Variants in RYR2 observed in about 807,000 individuals in gnomAD.
RYR2 encodes cardiac muscle ryanodine receptor-calcium release channel.
RYR2 carries 227 observed loss-of-function variants against 601.1 expected under a neutral mutation model. The observed-to-expected ratio is 0.38, with a 90% CI of 0.34 to 0.42. RYR2 has a LOEUF of 0.42. Ranked by LOEUF, RYR2 falls within the 10% of genes least tolerant of loss-of-function variation. The pLI is 1.00. For synonymous variants in RYR2, 2,223 were observed against 2,175.1 expected, an observed-to-expected ratio of 1.02 and a Z score of -0.61; for missense variants, 4,646 against 6,156.5, an observed-to-expected ratio of 0.75 and a Z score of 8.21.
intron 1 of RYR2, among the ~76,000 whole-genome samples, chr1:237,062,341 C>T (rs889958905): frequency 2.3e-4 from 35 of 152,082 alleles, no homozygotes; most frequent in African/African-American, 1.7e-4. Flanking sequence ...AACATCTTTT[C>T]GATATTAAGA....
chr1:237,579,586 C>A lies in RYR2; in HGVS notation c.3599-10207C>A, dbSNP rs184258313. 2.6e-3 allele frequency among the ~76,000 whole-genome samples: 389 copies of A among 152,114 alleles called. 1 individual carries two copies. The highest frequency in any genetic ancestry group is 9.1e-3 in the African/African-American group (377 of 41,500). On this transcript the variant is annotated intron_variant, in intron 29 of 104. Transcript: ENST00000366574. ...TACTTCTTAAAGCACACTCATAGGG[C>A]AAATTTCCATGGGTCAAAAAACTAT...
chr1:237,357,045 C>T (rs1208505178), intron 4 of RYR2, among the ~76,000 whole-genome samples: 4 of 140,198 alleles, frequency 2.9e-5, no homozygotes, highest in African/African-American at 8.7e-5. Context: ...TTCATGTTCT[C>T]TTGTCTTTTT....
At chr1:237,274,101 A>G (rs979382834) in intron 2 of RYR2, among the ~76,000 whole-genome samples, 18 of 147,452 alleles carry the variant, frequency 1.2e-4, no homozygotes, top group Non-Finnish European at 1.5e-5. Context: ...GATATATGAT[A>G]ATGTAGATAT....
rs762166767 is a variant in RYR2 at position 237,628,108 on chromosome 1, T to G, written c.6440+28T>G. Reference sequence around the variant, plus strand: ...AAATTATTTAACTACTACAACCCTTTGTCTCGTAAATGTTTTCTAATTGTT... The same window carrying G: ...AAATTATTTAACTACTACAACCCTTGGTCTCGTAAATGTTTTCTAATTGTT... On this transcript the variant is annotated intron_variant, in intron 41 of 104. Transcript: ENST00000366574. 45 of 1,605,540 alleles carry G rather than the reference T, an allele frequency of 2.8e-5. No homozygotes were observed. The East Asian group carries it at 1.0e-3, about 36-fold the overall frequency.
intron 80 of RYR2, among the ~76,000 whole-genome samples, chr1:237,744,229 C>T (rs1000809405): frequency 2.0e-5 from 3 of 151,696 alleles, no homozygotes; most frequent in African/African-American, 7.3e-5. Flanking sequence ...AAATTACTTA[C>T]ATTAATATGA....
In RYR2 at chr1:237,815,575, T is replaced by C. The variant is rs556853602; in HGVS notation, c.14434-3461T>C. 1.3e-4 allele frequency among the ~76,000 whole-genome samples: 20 copies of C among 152,310 alleles called. No individual in the cohort carries two copies. The South Asian group carries it at 2.3e-3, about 17-fold the overall frequency. The stretch of plus-strand genomic sequence containing the variant: ...GCATGACTGTTAAGTCCACTACCGA[T>C]CTCTGCTGGAATCCCTTCATCACAA... On this transcript the variant is annotated intron_variant, in intron 100 of 104. Transcript: ENST00000366574.
chr1:237,751,054 A>T (rs1362395833), intron 80 of RYR2, among the ~76,000 whole-genome samples: 1 of 152,198 alleles, frequency 6.6e-6, no homozygotes, highest in Non-Finnish European at 1.5e-5. Flanking sequence ...AGCTGCTGTG[A>T]TCCAATCTAT....
At chr1:237,066,467 T>C (rs1663629797) in intron 1 of RYR2, among the ~76,000 whole-genome samples, 1 of 152,188 alleles carries the variant, frequency 6.6e-6, no homozygotes, top group Admixed American at 6.5e-5. Context: ...TCAGCAATGT[T>C]TGGGAGATCC....
chr1:237,695,076 A>G (rs1414946770), intron 63 of RYR2, among the ~76,000 whole-genome samples: 2 of 152,208 alleles, frequency 1.3e-5, no homozygotes, highest in Non-Finnish European at 2.9e-5. Context: ...ATAAAACAGA[A>G]CTGGCATATG....
At chr1:237,304,372 T>C (rs1693668523) in intron 2 of RYR2, among the ~76,000 whole-genome samples, 1 of 152,186 alleles carries the variant, frequency 6.6e-6, no homozygotes, top group Non-Finnish European at 1.5e-5. Flanking sequence ...CCATTATAAC[T>C]GAACATCATA....
chr1:237,626,574 C>CTTTTTTTTTTTTTTTTTTTTTTTTTTTTT (rs1679680836), intron 40 of RYR2, among the ~76,000 whole-genome samples: 2 of 60,094 alleles, frequency 3.3e-5, no homozygotes, highest in African/African-American at 5.7e-5. Context: ...TTTTCTTTTT[C>CTTTTTTTTTTTTTTTTTTTTTTTTTTTTT]TTTTTCTTTT....
chr1:237,808,777 T>C, intron 99 of RYR2, 124 bp from the exon 100 acceptor site: 1 of 763,506 alleles, frequency 1.3e-6, no homozygotes, highest in East Asian at 2.6e-5. Flanking sequence ...AAGTTATGGA[T>C]CCCATTAGCT....
rs372943408 is a variant in RYR2, at chr1:237,784,321, G to T, written c.12609G>T (p.Ala4203=). The T allele has an allele frequency of 1.0e-4, 169 of 1,613,896 alleles. 1 individual carries two copies. The African/African-American group carries it at 1.7e-3, about 16-fold the overall frequency. Residue 4203 remains alanine (A), a synonymous_variant, in exon 90 of 105, where the codon GCG becomes GCT. Transcript: ENST00000366574. This position sits in a 1 kb window ranked among gnomAD's most constrained non-coding sequence, Gnocchi z 7.1. ...CEDTIFEMQL[A]AQISESDLNE... is the part of the protein sequence containing the mutation. ...ACACCATCTTTGAAATGCAGCTGGC[G>T]GCTCAGATCTCGGAGTCGGACTTGA...
intron 20 of RYR2, among the ~76,000 whole-genome samples, chr1:237,498,119 G>T (rs899195588): frequency 6.6e-6 from 1 of 152,000 alleles, no homozygotes; most frequent in African/African-American, 2.4e-5. Flanking sequence ...GCCTGCCTCC[G>T]CTTCCCAAAG....
chr1:237,631,659 C>T lies in RYR2; in HGVS notation c.6555+118C>T, dbSNP rs377294543. ...TTTTTTTTTTTTGGAGACAGAGGCT[C>T]ACTCTGTCGCCCAGGCTGGAGTGCA... is the stretch of plus-strand genomic sequence containing the variant. On this transcript the variant is annotated intron_variant, in intron 42 of 104. Transcript: ENST00000366574. 1.8e-3 allele frequency: 836 copies of T among 468,148 alleles called. 17 individuals are homozygous for T. The African/African-American group carries it at 0.031, about 17-fold the overall frequency. The allele number at this position is 468,148 out of a possible 1,614,324, so 29.0% of individuals were successfully genotyped here. A position where few individuals can be genotyped will look rare whatever the true frequency, so the allele number is the denominator to read the frequency against.
At chr1:237,255,983 C>T (rs895799083) in intron 1 of RYR2, among the ~76,000 whole-genome samples, 3 of 151,874 alleles carry the variant, frequency 2.0e-5, no homozygotes, top group Non-Finnish European at 2.9e-5. Flanking sequence ...GGAGTTTATT[C>T]CCTGACAGTC....
intron 1 of RYR2, among the ~76,000 whole-genome samples, chr1:237,161,294 G>T (rs928177876): frequency 1.1e-4 from 16 of 151,918 alleles, no homozygotes; most frequent in African/African-American, 2.9e-4. Context: ...TAACTTTCTA[G>T]ATTTTTGTAC....
At chr1:237,186,423 G>T (rs1679342703) in intron 1 of RYR2, among the ~76,000 whole-genome samples, 1 of 152,200 alleles carries the variant, frequency 6.6e-6, no homozygotes, top group Admixed American at 6.5e-5. Flanking sequence ...TCAGTCTAAT[G>T]CAGGGACATC....
chr1:237,650,660 G>T (rs188629597), intron 50 of RYR2, among the ~76,000 whole-genome samples: 1 of 152,156 alleles, frequency 6.6e-6, no homozygotes, highest in East Asian at 1.9e-4. Flanking sequence ...GCCTGTGAAA[G>T]TGATAATTTC....
Sources: allele counts gnomAD v4.1 joint callset (sites outside exome capture counted in the v4.1 genomes callset), GRCh38; gene constraint gnomAD v4.1.1; non-coding constraint Gnocchi (gnomAD v3.1); transcripts MANE v1.5; gene names NCBI Gene and HGNC (gene_info 2026-07-23, HGNC 2026-07-21).